The following COL23A1 variants were observed in gnomAD, a reference collection of about 807,000 sequenced individuals.
The protein encoded by COL23A1 is collagen type XXIII alpha 1 chain.
In COL23A1, 97 loss-of-function variants were observed where a neutral mutation model predicts 99.3. The ratio of observed to expected loss-of-function variants is 0.98; its 90% confidence interval spans 0.83 to 1.16. The LOEUF (loss-of-function observed/expected upper bound fraction) is 1.16. Among genes scored for constraint, COL23A1 ranks in the 50% most tolerant of loss-of-function variants. COL23A1 has a pLI of 0.00. For missense variants in COL23A1, 762 were observed against 757.4 expected (o/e 1.01, Z -0.07); for synonymous variants, 320 against 308.2 (o/e 1.04, Z -0.40).
chr5:178,331,624 G>A (rs1216691199), intron 2 of COL23A1, among the ~76,000 whole-genome samples: 1 of 152,232 alleles, frequency 6.6e-6, no homozygotes, highest in Non-Finnish European at 1.5e-5. Context: ...CGACAGGAGG[G>A]TGGGGCAGGA....
At chr5:178,498,787 G>A (rs1202854055) in intron 2 of COL23A1, among the ~76,000 whole-genome samples, 2 of 152,106 alleles carry the variant, frequency 1.3e-5, no homozygotes, top group African/African-American at 4.8e-5. Flanking sequence ...AAAGGACATA[G>A]ACATATTAAA....
At chr5:178,265,131 C>T (rs116153134) in intron 8 of COL23A1, among the ~76,000 whole-genome samples, 180 of 152,310 alleles carry the variant, frequency 1.2e-3, no homozygotes, top group Non-Finnish European at 1.9e-3. Flanking sequence ...CACAGATGTT[C>T]CCTGATCTGA....
chr5:178,369,426 GCTTCAT>G (rs1387237379), intron 2 of COL23A1, among the ~76,000 whole-genome samples: 1 of 152,196 alleles, frequency 6.6e-6, no homozygotes, highest in African/African-American at 2.4e-5. Context: ...AACAAGAGAC[GCTTCAT>G]CTTCAAGTCT....
intron 1 of COL23A1, among the ~76,000 whole-genome samples, chr5:178,581,565 CA>C (rs200146446): frequency 0.33 from 36,621 of 110,288 alleles, 4,573 homozygotes; most frequent in Middle Eastern, 0.43. Context: ...GATTCCGTCT[CA>C]AAAAAAAAAA....
rs1158758121 is a variant in COL23A1, at chr5:178,589,877, GC to G, written c.294+26del. 2.3e-6 allele frequency: 3 copies of G among 1,290,614 alleles called. No homozygotes were observed. The highest frequency in any genetic ancestry group is 2.4e-5 in the South Asian group (1 of 42,450). The allele number at this position is 1,290,614 out of a possible 1,614,324, so 79.9% of individuals were successfully genotyped here. ...CCCTCAACCCGACACACCCAAGTCCGCCCCAGCCACGCGCCAAGACGCTCAC... is the reference window on the plus strand; with the variant it reads ...CCCTCAACCCGACACACCCAAGTCCGCCCAGCCACGCGCCAAGACGCTCAC... On this transcript the variant is annotated intron_variant, in intron 1 of 28. Coordinates refer to ENST00000390654, the MANE Select transcript of COL23A1 (RefSeq NM_173465.4). This position sits in a 1 kb window ranked among gnomAD's most constrained non-coding sequence, Gnocchi z 5.4.
intron 2 of COL23A1, chr5:178,443,156 G>A (rs1766972356): frequency 6.6e-6 from 1 of 152,216 alleles, no homozygotes; most frequent in African/African-American, 2.4e-5. Flanking sequence ...GCGTTTCCCT[G>A]AAACCCATTA....
chr5:178,539,068 G>A (rs973425296), intron 2 of COL23A1, among the ~76,000 whole-genome samples: 1 of 152,248 alleles, frequency 6.6e-6, no homozygotes, highest in Non-Finnish European at 1.5e-5. Context: ...GGCAGGGCCT[G>A]TAGGAAGGGG....
At chr5:178,371,623 C>T (rs1485289299) in intron 2 of COL23A1, among the ~76,000 whole-genome samples, 1 of 152,204 alleles carries the variant, frequency 6.6e-6, no homozygotes, top group African/African-American at 2.4e-5. Flanking sequence ...TGGCGCCCTG[C>T]CTGGCTCACA....
chr5:178,258,262 T>TATATATATATATATATATATATACACAC lies in COL23A1; in HGVS notation c.730-696_730-695insGTGTGTATATATATATATATATATATAT. Among the ~76,000 whole-genome samples the TATATATATATATATATATATATACACAC allele has an allele frequency of 4.1e-4, 43 of 104,116 alleles. 1 individual carries two copies. The highest frequency in any genetic ancestry group is 6.9e-4 in the Non-Finnish European group (31 of 44,822). 68.3% of individuals were successfully genotyped at this position (104,116 alleles called of 152,430 possible). Reference sequence around the variant, plus strand: ...ATATATATATATATATATATATATATACACATGCAAATCAATTCTAGGCAC... The same window carrying TATATATATATATATATATATATACACAC: ...ATATATATATATATATATATATATATATATATATATATATATATATATACACACACACATGCAAATCAATTCTAGGCAC... On this transcript the variant is annotated intron_variant, in intron 12 of 28. Coordinates refer to ENST00000390654, the MANE Select transcript of COL23A1 (RefSeq NM_173465.4).
At chr5:178,413,826 G>A (rs905809633) in intron 2 of COL23A1, among the ~76,000 whole-genome samples, 4 of 152,126 alleles carry the variant, frequency 2.6e-5, no homozygotes, top group African/African-American at 9.7e-5. Context: ...GGGGAAGTGC[G>A]GTATTGTTGT....
At chr5:178,559,152 T>A (rs1052705820) in intron 2 of COL23A1, among the ~76,000 whole-genome samples, 18 of 152,174 alleles carry the variant, frequency 1.2e-4, no homozygotes, top group Non-Finnish European at 2.1e-4. Context: ...CTTTCTCGTA[T>A]TAAAATCTCA....
intron 2 of COL23A1, among the ~76,000 whole-genome samples, chr5:178,368,355 C>T (rs1197036623): frequency 6.6e-6 from 1 of 152,136 alleles, no homozygotes; most frequent in Non-Finnish European, 1.5e-5. Context: ...TTCCCATATC[C>T]CCTCAGCCCA....
At chr5:178,440,514 A>ACTGTG (rs1472989376) in intron 2 of COL23A1, among the ~76,000 whole-genome samples, 1 of 152,252 alleles carries the variant, frequency 6.6e-6, no homozygotes, top group East Asian at 1.9e-4. Flanking sequence ...TGTGAAATCA[A>ACTGTG]CTGTGCTCTA....
At position 178,572,652 on chromosome 5, in the gene COL23A1, C is replaced by T. The variant is rs1328666925; in HGVS notation, c.295-11904G>A. On this transcript the variant is annotated intron_variant, in intron 1 of 28. Coordinates refer to ENST00000390654, the MANE Select transcript of COL23A1 (RefSeq NM_173465.4). ...AAGTTAATAATACACATATCATATG[C>T]TCAGCCATTCCACTCCAAGGTATTT... is the stretch of plus-strand genomic sequence containing the variant. Among the ~76,000 whole-genome samples the T allele has an allele frequency of 2.0e-5, 3 of 152,216 alleles. No individual in the cohort carries two copies. In the South Asian group the frequency reaches 6.2e-4, roughly 32 times the overall value.
chr5:178,569,157 G>C (rs1762970077), intron 1 of COL23A1, among the ~76,000 whole-genome samples: 1 of 152,174 alleles, frequency 6.6e-6, no homozygotes, highest in African/African-American at 2.4e-5. Flanking sequence ...ATGATGTCGA[G>C]ATACTTTTCG....
At chr5:178,245,535 CA>C (rs1259912702) in intron 25 of COL23A1, among the ~76,000 whole-genome samples, 1 of 79,892 alleles carries the variant, frequency 1.3e-5, no homozygotes, top group Non-Finnish European at 2.5e-5. Flanking sequence ...ACTCATCCAT[CA>C]CCCATCCATC....
intron 2 of COL23A1, among the ~76,000 whole-genome samples, chr5:178,476,614 G>C (rs1050379858): frequency 1.3e-5 from 2 of 152,254 alleles, no homozygotes; most frequent in African/African-American, 4.8e-5. Context: ...GGCTGTCTTA[G>C]ATTCTGCCTG....
At chr5:178,288,181 C>T (rs866092628) in intron 5 of COL23A1, 143 bp downstream of exon 5, 33 of 830,194 alleles carry the variant, frequency 4.0e-5, no homozygotes, top group Middle Eastern at 2.5e-4. Context: ...CCAGAGCTCA[C>T]GCTAATCGCC....
chr5:178,500,552 C>T (rs938034246), intron 2 of COL23A1, among the ~76,000 whole-genome samples: 1 of 150,956 alleles, frequency 6.6e-6, no homozygotes, highest in Non-Finnish European at 1.5e-5. Context: ...TAGTAGTGAG[C>T]CATGATTGCA....
Sources: allele counts gnomAD v4.1 joint callset (sites outside exome capture counted in the v4.1 genomes callset), GRCh38; gene constraint gnomAD v4.1.1; non-coding constraint Gnocchi (gnomAD v3.1); transcripts MANE v1.5; gene names NCBI Gene and HGNC (gene_info 2026-07-23, HGNC 2026-07-21).